Variants in STYXL1 observed in about 807,000 individuals in gnomAD.
The protein encoded by STYXL1 is serine/threonine/tyrosine-interacting-like protein 1.
Under a neutral mutation model 36.4 loss-of-function variants are expected in STYXL1, and 32 were observed. The ratio of observed to expected loss-of-function variants is 0.88; its 90% CI spans 0.66 to 1.18. STYXL1 has a LOEUF of 1.18. STYXL1 is among the 50% of genes most tolerant of loss of function. STYXL1 has a pLI of 0.00. For missense variants in STYXL1, 354 were observed against 394.1 expected (o/e 0.90, Z 0.86); for synonymous variants, 133 against 144.1 (o/e 0.92, Z 0.55).
chr7:76,003,987 ACTCAAC>A, intron 6 of STYXL1, 132 bp from the exon 7 acceptor site: 1 of 716,990 alleles, frequency 1.4e-6, no homozygotes, highest in Non-Finnish European at 2.3e-6. Context: ...TGCACAGGTA[ACTCAAC>A]CTCTCCTGGA....
chr7:76,001,420 T>C (rs1790906168), intron 7 of STYXL1, among the ~76,000 whole-genome samples: 1 of 152,182 alleles, frequency 6.6e-6, no homozygotes, highest in African/African-American at 2.4e-5. Context: ...TTGGGCAAGT[T>C]ACTTCCTTTC....
At chr7:76,007,227 G>A (rs1791891217) in intron 5 of STYXL1, among the ~76,000 whole-genome samples, 2 of 152,084 alleles carry the variant, frequency 1.3e-5, no homozygotes, top group Non-Finnish European at 1.5e-5. Flanking sequence ...AGGAGCTTGA[G>A]ACCAACCTGG....
chr7:76,030,304 A>T, intron 2 of STYXL1, 117 bp downstream of exon 2: 1 of 691,392 alleles, frequency 1.4e-6, no homozygotes, highest in Non-Finnish European at 2.5e-6. Context: ...CAGCCCAGGG[A>T]TCCCTGTTCT....
rs1554581786 is a variant in STYXL1, at chr7:76,039,925, GCATTAGCCA to G, written c.-5+7728_-5+7736del. On this transcript the variant is annotated intron_variant, in intron 1 of 8. Coordinates refer to ENST00000359697, the MANE Select transcript of STYXL1 (RefSeq NM_001317785.2). ...ACTTCCCAAAGTGCTGGGATAACAG[GCATTAGCCA>G]CGGCGCCTGGCCTCCATCGCTAGTA... Among the ~76,000 whole-genome samples, 3 of 152,294 alleles carry G rather than the reference GCATTAGCCA, an allele frequency of 2.0e-5. No homozygotes were observed. The South Asian group carries it at 6.2e-4, about 32-fold the overall frequency.
At position 76,022,004 on chromosome 7, in the gene STYXL1, A is replaced by C; in HGVS notation, c.166-12T>G. ...TATTCATTATTTTTCTTAAAAAAAA[A>C]AACACACACACACAAGAGAGGCCTG... On this transcript the variant is annotated splice_polypyrimidine_tract_variant and intron_variant, in intron 3 of 8. Coordinates refer to ENST00000359697, the MANE Select transcript of STYXL1 (RefSeq NM_001317785.2). 1.3e-6 allele frequency: 2 copies of C among 1,597,858 alleles called. No homozygotes were observed. The highest frequency in any genetic ancestry group is 1.3e-5 in the African/African-American group (1 of 74,244).
intron 4 of STYXL1, among the ~76,000 whole-genome samples, chr7:76,018,846 G>A (rs1381521185): frequency 2.6e-5 from 4 of 152,114 alleles, no homozygotes; most frequent in Non-Finnish European, 5.9e-5. Context: ...GCTTTGGTGT[G>A]GATGTGTTTT....
intron 1 of STYXL1, among the ~76,000 whole-genome samples, chr7:76,038,758 AACTC>A (rs1796195241): frequency 7.0e-6 from 1 of 142,564 alleles, no homozygotes; most frequent in African/African-American, 3.0e-5. Flanking sequence ...CGAGCTAACT[AACTC>A]TTGTCATATT....
At chr7:76,032,617 T>C (rs1378673759) in intron 1 of STYXL1, among the ~76,000 whole-genome samples, 1 of 151,892 alleles carries the variant, frequency 6.6e-6, no homozygotes, top group Non-Finnish European at 1.5e-5. Context: ...CAGGAGAATT[T>C]CTTGAACCTG....
intron 1 of STYXL1, among the ~76,000 whole-genome samples, chr7:76,030,926 C>A (rs868941880): frequency 6.7e-6 from 1 of 150,318 alleles, no homozygotes; most frequent in Non-Finnish European, 1.5e-5. Context: ...TTTAGGAGGC[C>A]GAGGCAGGTG....
rs932920374 is a variant in STYXL1 at position 76,037,016 on chromosome 7, C to T, written c.-4-6489G>A. ...AGCCAGGATGGTCTCAATCTCCTGA[C>T]CTCGTGATCCGCCCGCCTCGGCCTA... On this transcript the variant is annotated intron_variant, in intron 1 of 8. Coordinates refer to ENST00000359697, the MANE Select transcript of STYXL1 (RefSeq NM_001317785.2). 6.0e-5 allele frequency among the ~76,000 whole-genome samples: 9 copies of T among 149,710 alleles called. 1 individual carries two copies. The highest frequency in any genetic ancestry group is 2.7e-4 in the Admixed American group (4 of 14,996).
intron 4 of STYXL1, among the ~76,000 whole-genome samples, chr7:76,016,567 A>G (rs1554574094): frequency 6.6e-6 from 1 of 152,158 alleles, no homozygotes; most frequent in Non-Finnish European, 1.5e-5. Context: ...ACTCTATTAA[A>G]AAGTGGGCAA....
At chr7:76,014,016 T>G in intron 4 of STYXL1, 129 bp from the exon 5 acceptor site, 8 of 1,030,744 alleles carry the variant, frequency 7.8e-6, no homozygotes, top group Non-Finnish European at 9.4e-6. Context: ...TCTCACTCTG[T>G]CGCCCAGGCT....
chr7:76,045,102 C>G (rs1177029657), intron 1 of STYXL1: 2 of 152,096 alleles, frequency 1.3e-5, no homozygotes, highest in Admixed American at 1.3e-4. Context: ...TATTTTTCTC[C>G]TCTCCTTTGT....
chr7:75,999,511 A>ATATGTG (rs1554565620), intron 8 of STYXL1, among the ~76,000 whole-genome samples: 7,833 of 95,758 alleles, frequency 0.082, 304 homozygotes, highest in South Asian at 0.11. Flanking sequence ...GTGTGTGTGT[A>ATATGTG]TGTGTGTGTG....
Position 76,001,004 on chromosome 7 carries a change from T to C in STYXL1, c.698-2A>G, listed in dbSNP as rs1554567001. ...CAGAGCCAAGGTGATGGTGAATTTC[T>C]GCAAAAAGAAGTGGGGGGTTGGGTC... is the stretch of plus-strand genomic sequence containing the variant. On this transcript the variant is annotated splice_acceptor_variant, in intron 7 of 8. Coordinates refer to ENST00000359697, the MANE Select transcript of STYXL1 (RefSeq NM_001317785.2). LOFTEE classifies it high-confidence loss of function. The C allele has an allele frequency of 6.2e-7, 1 of 1,613,184 alleles. No individual in the cohort carries two copies. Among genetic ancestry groups the C allele is most frequent in the South Asian group, 1.1e-5 (1 of 91,068 alleles).
chr7:76,017,557 G>A (rs528826462), intron 4 of STYXL1, among the ~76,000 whole-genome samples: 3 of 151,830 alleles, frequency 2.0e-5, no homozygotes, highest in South Asian at 4.2e-4. Context: ...TGAAGAATAC[G>A]AGGAGGACAG....
At chr7:76,010,790 G>A (rs535873917) in intron 5 of STYXL1, among the ~76,000 whole-genome samples, 15 of 152,226 alleles carry the variant, frequency 9.9e-5, no homozygotes, top group African/African-American at 3.6e-4. Context: ...AGTGCCCCCA[G>A]CAAACCCTAG....
intron 4 of STYXL1, among the ~76,000 whole-genome samples, chr7:76,018,731 G>A (rs1042888674): frequency 6.6e-6 from 1 of 152,162 alleles, no homozygotes; most frequent in Admixed American, 6.6e-5. Context: ...TCCATTGTGT[G>A]GACAGACCAC....
chr7:76,043,985 A>G (rs1796721453), intron 1 of STYXL1: 1 of 152,220 alleles, frequency 6.6e-6, no homozygotes, highest in South Asian at 2.1e-4. Context: ...TGCATGATTG[A>G]ATTCTACTTC....
Sources: gnomAD v4.1 joint callset for allele counts (sites outside exome capture counted in the v4.1 genomes callset) on GRCh38, gnomAD v4.1.1 for gene constraint, MANE v1.5 for transcripts, NCBI Gene and HGNC (gene_info 2026-07-23, HGNC 2026-07-21) for gene names.